PDZD7: variants seen among roughly 807,000 people sequenced by gnomAD.
PDZD7 encodes PDZ domain containing 7, also known as PDZ domain-containing protein 7.
In PDZD7, 72 loss-of-function variants were observed where a neutral mutation model predicts 84.7. That is an observed-to-expected ratio of 0.85 (90% CI 0.70 to 1.03). The LOEUF is 1.03. Among genes scored for constraint, PDZD7 ranks in the 50% least tolerant of loss-of-function variants. PDZD7 has a pLI of 0.00. For missense variants in PDZD7, 1,490 were observed against 1,412.9 expected, an observed-to-expected ratio of 1.05 and a Z score of -0.87; for synonymous variants, 594 against 580.7, an observed-to-expected ratio of 1.02 and a Z score of -0.33.
intron 15 of PDZD7, among the ~76,000 whole-genome samples, 199 bp from the exon 16 acceptor site, chr10:101,009,549 AC>A (rs1404732994): frequency 2.9e-5 from 4 of 136,342 alleles, no homozygotes; most frequent in Non-Finnish European, 4.7e-5. Context: ...ACCCAACTGC[AC>A]CCCAATACCC....
chr10:101,029,944 C>T (rs779533611), intron 2 of PDZD7, 50 bp downstream of exon 2: 2 of 1,538,088 alleles, frequency 1.3e-6, no homozygotes, highest in Non-Finnish European at 1.8e-6. Flanking sequence ...CCCATTGTCC[C>T]CTACCCCCAC....
In PDZD7 at chr10:101,010,455, A is replaced by G; in HGVS notation, c.2434T>C (p.Tyr812His). Residue 812 changes from tyrosine (Y) to histidine (H), a missense_variant, in exon 15 of 17, where the codon TAC becomes CAC. By Grantham distance (83) the Tyr-to-His change is moderately conservative. Transcript: ENST00000619208. Reference protein sequence around the residue: ...TPAPSMTNGRYHKPRKARPPL... With the variant: ...TPAPSMTNGRHHKPRKARPPL... Reference sequence around the variant, plus strand: ...GGTCTGGCCTTCCGAGGCTTGTGGTAGCGCCCATTGGTCATGCTGGGGGCA... The same window carrying G: ...GGTCTGGCCTTCCGAGGCTTGTGGTGGCGCCCATTGGTCATGCTGGGGGCA... 6.5e-7 allele frequency: 1 copy of G among 1,535,914 alleles called. No homozygotes were observed. Among genetic ancestry groups the G allele is most frequent in the Non-Finnish European group, 8.7e-7 (1 of 1,146,856 alleles).
chr10:101,030,413 G>A (rs1490113542), intron 1 of PDZD7, 29 bp from the exon 2 acceptor site: 3 of 686,476 alleles, frequency 4.4e-6, no homozygotes, highest in Non-Finnish European at 8.0e-6. Context: ...GATGAGGGAG[G>A]GGTGTAAATG....
intron 1 of PDZD7, chr10:101,030,807 G>T (rs1338525268): frequency 1.1e-5 from 2 of 189,304 alleles, no homozygotes; most frequent in Admixed American, 5.4e-5. Context: ...GCTGGGCCTC[G>T]AGGATAGGGC....
At position 101,020,555 on chromosome 10, in the gene PDZD7, G is replaced by T. The variant is rs7075685; in HGVS notation, c.928+63C>A. On this transcript the variant is annotated intron_variant, in intron 7 of 16. Transcript: ENST00000619208. ...GCCTGGCCCTTTTCTTCTTCAGAGA[G>T]CCGGGCCCCACCCTAAGGCCTCAGC... is the stretch of plus-strand genomic sequence containing the variant. The T allele has an allele frequency of 0.58, 858,228 of 1,473,374 alleles. 253,624 individuals carry two copies. Among genetic ancestry groups the T allele is most frequent in the African/African-American group, 0.82 (59,079 of 72,052 alleles). The allele number at this position is 1,473,374 out of a possible 1,614,324, so 91.3% of individuals were successfully genotyped here. A position where few individuals can be genotyped will look rare whatever the true frequency, so the allele number is the denominator to read the frequency against.
rs376572985 is a variant in PDZD7, at chr10:101,023,876, GA to G, written c.367+51del. 0.016 allele frequency: 25,508 copies of G among 1,613,662 alleles called. 286 individuals are homozygous for G. Among genetic ancestry groups the G allele is most frequent in the Non-Finnish European group, 0.019 (22,954 of 1,179,646 alleles). On this transcript the variant is annotated intron_variant, in intron 3 of 16. Coordinates refer to ENST00000619208, the MANE Select transcript of PDZD7 (RefSeq NM_001195263.2). ...ACAGCAGCATCCCCTGCCATTCACT[GA>G]GATTGGAGTCACATCCTAAGCGTGG...
rs775544404 is a variant in PDZD7, at chr10:101,030,021, C to A, written c.199G>T (p.Val67Phe). ...TCGATGGGGGAGTTGATGAGGATGA[C>A]GCGTCCCATGGGCGATGAGGCTCGG... ...GIRASSPMGR[V>F]ILINSPIEAN... is the part of the protein sequence containing the mutation. Residue 67 changes from valine (V) to phenylalanine (F), a missense_variant, in exon 2 of 17, where the codon GTC becomes TTC. Val to Phe is a conservative substitution (Grantham distance 50). Transcript: ENST00000619208. 3.8e-6 allele frequency: 6 copies of A among 1,596,192 alleles called. No homozygotes were observed. Among genetic ancestry groups the A allele is most frequent in the Admixed American group, 1.7e-5 (1 of 59,410 alleles).
intron 11 of PDZD7, 97 bp downstream of exon 11, chr10:101,015,539 A>T (rs1852580247): frequency 7.0e-7 from 1 of 1,427,790 alleles, no homozygotes; most frequent in African/African-American, 1.4e-5. Flanking sequence ...CCTGGTGTCA[A>T]GCCCAGACAC....
chr10:101,009,300 T>A lies in PDZD7; in HGVS notation c.2668A>T (p.Ile890Leu). The A allele has an allele frequency of 6.5e-7, 1 of 1,536,036 alleles. No homozygotes were observed. The highest frequency in any genetic ancestry group is 8.7e-7 in the Non-Finnish European group (1 of 1,146,848). The change falls in exon 16 of 17, where the codon ATA becomes TTA. Residue 890 changes from isoleucine to leucine, a missense_variant. Ile to Leu is a conservative substitution (Grantham distance 5, BLOSUM62 2). Coordinates refer to ENST00000619208, the MANE Select transcript of PDZD7 (RefSeq NM_001195263.2). ...IESKVQPMVKIEKIFPGGAAF... is the reference protein window; with the variant it reads ...IESKVQPMVKLEKIFPGGAAF... Reference sequence around the variant, plus strand: ...GCCCCCCCAGGGAAGATCTTCTCTATCTTCACCATGGGCTGCACCTTGGAC... The same window carrying A: ...GCCCCCCCAGGGAAGATCTTCTCTAACTTCACCATGGGCTGCACCTTGGAC...
In PDZD7 at chr10:101,008,664, G is replaced by A; in HGVS notation, c.2905C>T (p.Leu969Phe). The A allele has an allele frequency of 6.5e-7, 1 of 1,536,070 alleles. No homozygotes were observed. The highest frequency in any genetic ancestry group is 8.7e-7 in the Non-Finnish European group (1 of 1,146,892). ...SDSSALTDGG[L>F]PADHLPAHQP... ...TGGGCAGGCAAGTGGTCAGCAGGAA[G>A]GCCCCCATCAGTAAGGGCTGATGAG... is the stretch of plus-strand genomic sequence containing the variant. The change falls in exon 17 of 17, where the codon CTT (leucine) becomes TTT (phenylalanine). Residue 969 changes from leucine to phenylalanine, a missense_variant. Coordinates refer to ENST00000619208, the MANE Select transcript of PDZD7 (RefSeq NM_001195263.2).
chr10:101,023,278 C>T (rs1160113599), intron 4 of PDZD7, 158 bp downstream of exon 4: 1 of 806,394 alleles, frequency 1.2e-6, no homozygotes, highest in Non-Finnish European at 2.0e-6. Flanking sequence ...AAGATGCAGC[C>T]TCTCCTTATT....
At chr10:101,018,692 TG>T in intron 8 of PDZD7, 129 bp downstream of exon 8, 1 of 1,238,696 alleles carries the variant, frequency 8.1e-7, no homozygotes. Flanking sequence ...CTGAGCAGCC[TG>T]GAGCTTGGGT....
At chr10:101,015,954 A>G in intron 10 of PDZD7, 143 bp from the exon 11 acceptor site, 1 of 890,652 alleles carries the variant, frequency 1.1e-6, no homozygotes, top group Non-Finnish European at 1.7e-6. Context: ...AGCCCACAGC[A>G]ACCTGCCCAC....
In PDZD7 at chr10:101,023,994, C is replaced by T. The variant is rs754095314; in HGVS notation, c.301G>A (p.Val101Met). 9.9e-6 allele frequency: 16 copies of T among 1,614,146 alleles called. No homozygotes were observed. The highest frequency in any genetic ancestry group is 1.6e-4 in the Middle Eastern group (1 of 6,084). The change falls in exon 3 of 17, where the codon GTG (valine) becomes ATG (methionine). Residue 101 changes from valine (V) to methionine (M), a missense_variant. Physicochemically the swap from Val to Met is conservative, Grantham distance 21. Transcript: ENST00000619208. ...KSPAGRLGFS[V>M]RGGSEHGLGI... is the part of the protein sequence containing the mutation. ...AGGCCATGCTCTGAGCCCCCGCGCA[C>T]GCTGAAGCCCAGCCTCCCTGCTGGA...
intron 14 of PDZD7, chr10:101,011,416 G>A (rs145805351): frequency 7.8e-5 from 64 of 820,446 alleles, no homozygotes; most frequent in African/African-American, 7.1e-4. Context: ...AATACGACTA[G>A]CACACCAAAC....
Position 101,010,883 on chromosome 10 carries a change from T to G in PDZD7, c.2006A>C (p.Asp669Ala). The G allele has an allele frequency of 6.5e-7, 1 of 1,533,636 alleles. No individual in the cohort carries two copies. The highest frequency in any genetic ancestry group is 8.7e-7 in the Non-Finnish European group (1 of 1,146,776). The change falls in exon 15 of 17, where the codon GAC becomes GCC. Residue 669 changes from aspartate (D) to alanine (A), a missense_variant and splice_region_variant. By Grantham distance (126) the Asp-to-Ala change is moderately radical (BLOSUM62 -2). Coordinates refer to ENST00000619208, the MANE Select transcript of PDZD7 (RefSeq NM_001195263.2). Reference protein sequence around the residue: ...PKRHLITPVPDSRGGFYLLPV... With the variant: ...PKRHLITPVPASRGGFYLLPV... ...CAGCAGGTAGAAGCCTCCGCGGCTG[T>G]CTGGGGAAGAGCGCCAAGGTCAGCT...
At chr10:101,011,805 G>A in intron 13 of PDZD7, 44 bp from the exon 14 acceptor site, 1 of 1,550,574 alleles carries the variant, frequency 6.4e-7, no homozygotes, top group Non-Finnish European at 8.7e-7. Context: ...TACCCCGCCA[G>A]GCTCCGGGAC....
chr10:101,018,913 C>T lies in PDZD7; in HGVS notation c.1233G>A (p.Ala411=), dbSNP rs1356340580. 2 of 1,604,760 alleles carry T rather than the reference C, an allele frequency of 1.2e-6. No homozygotes were observed. Among genetic ancestry groups the T allele is most frequent in the African/African-American group, 1.3e-5 (1 of 74,858 alleles). The change falls in exon 8 of 17, where the codon GCG becomes GCA. Residue 411 remains alanine, a synonymous_variant. Transcript: ENST00000619208. ...GPHPGRRLDS[A]LSESPKTALL... ...AAGCCGTCTTGGGAGACTCAGAGAG[C>T]GCAGAGTCAAGGCGGCGGCCGGGAT... is the stretch of plus-strand genomic sequence containing the variant.
At position 101,019,234 on chromosome 10, in the gene PDZD7, A is replaced by C; in HGVS notation, c.929-17T>G. On this transcript the variant is annotated splice_polypyrimidine_tract_variant and intron_variant, in intron 7 of 16. Coordinates refer to ENST00000619208, the MANE Select transcript of PDZD7 (RefSeq NM_001195263.2). ...CGTTGCTCACTGCAGGGAGTAGAGA[A>C]GCCAGGGATCAGCGGGCTTGCTTCA... is the stretch of plus-strand genomic sequence containing the variant. 8 of 1,535,350 alleles carry C rather than the reference A, an allele frequency of 5.2e-6. No individual in the cohort carries two copies. Among genetic ancestry groups the C allele is most frequent in the Non-Finnish European group, 7.0e-6 (8 of 1,146,678 alleles).
Sources: gnomAD v4.1 joint callset for allele counts (sites outside exome capture counted in the v4.1 genomes callset) on GRCh38, gnomAD v4.1.1 for gene constraint, MANE v1.5 for transcripts, NCBI Gene and HGNC (gene_info 2026-07-23, HGNC 2026-07-21) for gene names.